The following HRH2 variants were observed in gnomAD, a reference collection of about 807,000 sequenced individuals.
HRH2 encodes the protein histamine H2 receptor.
In HRH2, 4 loss-of-function variants were observed where a neutral mutation model predicts 20.1. The observed-to-expected ratio is 0.20, with a 90% CI of 0.10 to 0.45. The LOEUF is 0.45. HRH2 is among the 20% of genes least tolerant of loss of function. HRH2 has a pLI of 0.99. For synonymous variants in HRH2, 197 were observed against 200.7 expected (o/e 0.98, Z 0.16); for missense variants, 250 against 461.6 (o/e 0.54, Z 4.20).
intron 1 of HRH2, among the ~76,000 whole-genome samples, chr5:175,659,230 T>A (rs1762662311): frequency 6.6e-6 from 1 of 152,160 alleles, no homozygotes; most frequent in Non-Finnish European, 1.5e-5. Flanking sequence ...TGGCAGTTTT[T>A]GTCCTGTGAA....
chr5:175,703,455 CTCA>C (rs1244372183), intron 2 of HRH2, among the ~76,000 whole-genome samples: 2 of 152,020 alleles, frequency 1.3e-5, no homozygotes, highest in East Asian at 3.8e-4. Flanking sequence ...GCCATAATGG[CTCA>C]TATTTTTAAA....
intron 2 of HRH2, chr5:175,685,388 C>G (rs1413464406): frequency 6.5e-7 from 1 of 1,542,386 alleles, no homozygotes; most frequent in Non-Finnish European, 8.8e-7. Flanking sequence ...ATAAATGTTG[C>G]TTTCCTTTCT....
chr5:175,662,732 T>C (rs1273579671), intron 1 of HRH2, among the ~76,000 whole-genome samples: 1 of 152,210 alleles, frequency 6.6e-6, no homozygotes, highest in East Asian at 1.9e-4. Context: ...TTTTAGGATA[T>C]TCACACAGAG....
At chr5:175,692,729 C>A (rs1364923763) in intron 2 of HRH2, among the ~76,000 whole-genome samples, 2 of 152,294 alleles carry the variant, frequency 1.3e-5, no homozygotes, top group East Asian at 3.9e-4. Flanking sequence ...CTGGTGCCCC[C>A]CATCTGAAAA....
chr5:175,662,076 C>T (rs955406687), intron 1 of HRH2, among the ~76,000 whole-genome samples: 1 of 152,034 alleles, frequency 6.6e-6, no homozygotes, highest in Admixed American at 6.6e-5. Flanking sequence ...AGCTTACAGA[C>T]AGTGGGGTGT....
Position 175,683,980 on chromosome 5 carries a change from C to T in HRH2, c.747C>T (p.Pro249=), listed in dbSNP as rs746647776. ...GGGCCTTCATCATCTGCTGGTTTCC[C>T]TACTTCACCGCGTTTGTGTACCGTG... ...VMGAFIICWF[P]YFTAFVYRGL... Residue 249 remains proline (P), a synonymous_variant, in exon 2 of 3, where the codon CCC becomes CCT. Transcript: ENST00000636584. 2 of 1,614,184 alleles carry T rather than the reference C, an allele frequency of 1.2e-6. No individual in the cohort carries two copies. Among genetic ancestry groups the T allele is most frequent in the South Asian group, 1.1e-5 (1 of 91,082 alleles).
chr5:175,683,082 C>T lies in HRH2; in HGVS notation c.-152C>T. ...GAGTCAGTCATTGAAGCCTTCCCCACCCCCTGGCCAAAAAAAAAAAAAAAA... is the reference window on the plus strand; with the variant it reads ...GAGTCAGTCATTGAAGCCTTCCCCATCCCCTGGCCAAAAAAAAAAAAAAAA... On this transcript the variant is annotated 5_prime_UTR_variant, in exon 2 of 3. Transcript: ENST00000636584. 1.0e-6 allele frequency: 1 copy of T among 952,626 alleles called. No homozygotes were observed. The highest frequency in any genetic ancestry group is 1.7e-5 in the South Asian group (1 of 59,954). The allele number at this position is 952,626 out of a possible 1,614,324, so 59.0% of individuals were successfully genotyped here.
In HRH2 at chr5:175,683,089, G is replaced by A. The variant is rs996011914; in HGVS notation, c.-145G>A. On this transcript the variant is annotated 5_prime_UTR_variant, in exon 2 of 3. Coordinates refer to ENST00000636584, the MANE Select transcript of HRH2 (RefSeq NM_001367711.1). ...TCATTGAAGCCTTCCCCACCCCCTG[G>A]CCAAAAAAAAAAAAAAAAAAAAACT... is the stretch of plus-strand genomic sequence containing the variant. 3.7e-5 allele frequency: 25 copies of A among 674,226 alleles called. No individual in the cohort carries two copies. In the African/African-American group the frequency reaches 1.0e-3, roughly 27 times the overall value. The allele number at this position is 674,226 out of a possible 1,614,324, so 41.8% of individuals were successfully genotyped here.
intron 2 of HRH2, among the ~76,000 whole-genome samples, chr5:175,698,857 C>T (rs1213130485): frequency 6.6e-6 from 1 of 152,200 alleles, no homozygotes; most frequent in Non-Finnish European, 1.5e-5. Flanking sequence ...GGTGCAAAAG[C>T]GAACCCAGAG....
At chr5:175,707,136 G>T (rs1224323392) in intron 2 of HRH2, among the ~76,000 whole-genome samples, 1 of 152,214 alleles carries the variant, frequency 6.6e-6, no homozygotes, top group African/African-American at 2.4e-5. Context: ...AGTAGGAAAA[G>T]TGAGGGCTGC....
At position 175,677,076 on chromosome 5, in the gene HRH2, C is replaced by A. The variant is rs1006621714; in HGVS notation, c.-525-5633C>A. Among the ~76,000 whole-genome samples, 2 of 152,078 alleles carry A rather than the reference C, an allele frequency of 1.3e-5. No homozygotes were observed. Among genetic ancestry groups the A allele is most frequent in the African/African-American group, 4.8e-5 (2 of 41,394 alleles). On this transcript the variant is annotated intron_variant, in intron 1 of 2. Coordinates refer to ENST00000636584, the MANE Select transcript of HRH2 (RefSeq NM_001367711.1). The surrounding 1 kb of genome is among the most constrained non-coding windows in gnomAD (Gnocchi z 4.2). The stretch of plus-strand genomic sequence containing the variant: ...GTGGCATGATCTCAGTTCACTGCAG[C>A]CTTGAACCCCTGGGCTCAAGCGATC...
rs150728247 is a variant in HRH2 at position 175,676,865 on chromosome 5, AAAAC to A, written c.-525-5841_-525-5838del. ...TGCACTGGAGGATATTATTTTAACT[AAAAC>A]AAGGCAGACACAGAAAGTCAAATAT... On this transcript the variant is annotated intron_variant, in intron 1 of 2. Transcript: ENST00000636584. Among the ~76,000 whole-genome samples, 539 of 152,388 alleles carry A rather than the reference AAAAC, an allele frequency of 3.5e-3. 1 individual carries two copies. The highest frequency in any genetic ancestry group is 0.012 in the African/African-American group (493 of 41,592).
intron 1 of HRH2, among the ~76,000 whole-genome samples, chr5:175,672,111 GCCC>G (rs1277006827): frequency 1.3e-5 from 2 of 152,226 alleles, no homozygotes; most frequent in East Asian, 3.9e-4. Context: ...AATATTCTAA[GCCC>G]ATCTCCACAA....
At chr5:175,674,374 C>CAGGTGCCCGGCACGTGGT (rs1755683471) in intron 1 of HRH2, among the ~76,000 whole-genome samples, 1 of 152,332 alleles carries the variant, frequency 6.6e-6, no homozygotes, top group South Asian at 2.1e-4. Context: ...TATCATCTGT[C>CAGGTGCCCGGCACGTGGT]AGGTGCCCGG....
At position 175,687,695 on chromosome 5, in the gene HRH2, C is replaced by A. The variant is rs534004195; in HGVS notation, c.1076+3386C>A. On this transcript the variant is annotated intron_variant, in intron 2 of 2. Transcript: ENST00000636584. The surrounding 1 kb of genome is among the most constrained non-coding windows in gnomAD (Gnocchi z 5.2). ...GACCCCTACTGTCCACCCCTCATCA[C>A]CTCTCCCCTGCCTCCTCTCAGATAC... Among the ~76,000 whole-genome samples the A allele has an allele frequency of 4.6e-5, 7 of 152,214 alleles. No individual in the cohort carries two copies. The East Asian group carries it at 1.4e-3, about 30-fold the overall frequency.
rs531385325 is a variant in HRH2, at chr5:175,668,046, A to G, written c.-526+9891A>G. Among the ~76,000 whole-genome samples the G allele has an allele frequency of 5.2e-4, 79 of 152,326 alleles. 1 individual carries two copies. Among genetic ancestry groups the G allele is most frequent in the African/African-American group, 1.5e-3 (63 of 41,564 alleles). On this transcript the variant is annotated intron_variant, in intron 1 of 2. Transcript: ENST00000636584. ...ACTGCTGTGTCTCTTTGAAACCTCAAAAACAAATGCATTTAACAAAGCAGG... is the reference window on the plus strand; with the variant it reads ...ACTGCTGTGTCTCTTTGAAACCTCAGAAACAAATGCATTTAACAAAGCAGG...
At chr5:175,663,054 CTTCA>C (rs1348302178) in intron 1 of HRH2, among the ~76,000 whole-genome samples, 1 of 152,192 alleles carries the variant, frequency 6.6e-6, no homozygotes, top group African/African-American at 2.4e-5. Context: ...ACCACATTTT[CTTCA>C]TTCATCAGTT....
At chr5:175,678,993 G>A (rs1755860723) in intron 1 of HRH2, among the ~76,000 whole-genome samples, 1 of 152,216 alleles carries the variant, frequency 6.6e-6, no homozygotes, top group Non-Finnish European at 1.5e-5. Context: ...CTAACTGCAT[G>A]CATACCAGTG....
chr5:175,663,708 G>A (rs559929566), intron 1 of HRH2, among the ~76,000 whole-genome samples: 15 of 152,312 alleles, frequency 9.8e-5, no homozygotes, highest in Admixed American at 2.6e-4. Flanking sequence ...TCAAGGATCA[G>A]CCCCAGAGAG....
Sources: gnomAD v4.1 joint callset for allele counts (sites outside exome capture counted in the v4.1 genomes callset) on GRCh38, gnomAD v4.1.1 for gene constraint, Gnocchi (gnomAD v3.1) non-coding constraint, MANE v1.5 for transcripts, NCBI Gene and HGNC (gene_info 2026-07-23, HGNC 2026-07-21) for gene names.